TENM2: variants seen among roughly 807,000 people sequenced by gnomAD.
The protein encoded by TENM2 is teneurin transmembrane protein 2, also known as teneurin-2.
TENM2 carries 52 observed loss-of-function variants against 245.2 expected under a neutral mutation model. The observed-to-expected ratio is 0.21, with a 90% CI of 0.17 to 0.27. The LOEUF is 0.27. TENM2 is among the 10% of genes least tolerant of loss of function. The pLI is 1.00. For synonymous variants in TENM2, 1,363 were observed against 1,438.9 expected, an observed-to-expected ratio of 0.95 and a Z score of 1.19; for missense variants, 3,046 against 3,666.8, an observed-to-expected ratio of 0.83 and a Z score of 4.37.
chr5:167,160,072 A>G, the TENM2 span, among the ~76,000 whole-genome samples: 1 of 152,236 alleles, frequency 6.6e-6, no homozygotes, highest in Admixed American at 6.5e-5. Flanking sequence ...CTATTTTGGC[A>G]TCTTTTCTGT....
At chr5:167,784,804 A>G (rs1289538121) in intron 2 of TENM2, among the ~76,000 whole-genome samples, 1 of 152,258 alleles carries the variant, frequency 6.6e-6, no homozygotes, top group Non-Finnish European at 1.5e-5. Context: ...GTGTACCCGT[A>G]TCTCATCAGA....
chr5:168,163,309 G>A (rs1757917204), intron 13 of TENM2, among the ~76,000 whole-genome samples: 1 of 152,192 alleles, frequency 6.6e-6, no homozygotes, highest in Admixed American at 6.5e-5. Context: ...GCAAACTATG[G>A]TCCATGGACC....
chr5:167,634,582 AT>A (rs969664737), intron 2 of TENM2, among the ~76,000 whole-genome samples: 18 of 151,774 alleles, frequency 1.2e-4, no homozygotes, highest in Non-Finnish European at 2.1e-4. Flanking sequence ...TAGGACTCAC[AT>A]TTTTGATTCA....
Position 168,015,061 on chromosome 5 carries a change from C to A in TENM2, c.1186+21879C>A, listed in dbSNP as rs1272689348. Among the ~76,000 whole-genome samples, 4 of 152,310 alleles carry A rather than the reference C, an allele frequency of 2.6e-5. No individual in the cohort carries two copies. In the East Asian group the frequency reaches 5.8e-4, roughly 22 times the overall value. ...TCTTGCTATAAACCAGCCTAAGTAG[C>A]CTCTTACCATCAGCCAGTACTCTGC... On this transcript the variant is annotated intron_variant, in intron 5 of 28. Transcript: ENST00000518659.
intron 12 of TENM2, among the ~76,000 whole-genome samples, chr5:168,147,063 C>T (rs2152416184): frequency 6.6e-6 from 1 of 152,362 alleles, no homozygotes; most frequent in Admixed American, 6.5e-5. Flanking sequence ...CCAAAAATGA[C>T]TCACTGCTAC....
chr5:167,769,820 A>G lies in TENM2; in HGVS notation c.503-106166A>G, dbSNP rs573081133. ...ATGAATACAAGGATTGTGTCCATTG[A>G]GGGATGGCTTTCAAGACAATGGCCA... On this transcript the variant is annotated intron_variant, in intron 2 of 28. Transcript: ENST00000518659. 3.6e-4 allele frequency among the ~76,000 whole-genome samples: 55 copies of G among 152,150 alleles called. 1 individual carries two copies. Among genetic ancestry groups the G allele is most frequent in the Non-Finnish European group, 6.0e-4 (41 of 68,032 alleles).
intron 5 of TENM2, among the ~76,000 whole-genome samples, chr5:168,039,814 C>A (rs905443967): frequency 1.3e-5 from 2 of 151,918 alleles, no homozygotes; most frequent in Non-Finnish European, 2.9e-5. Context: ...TTAGAGGTCA[C>A]CTCGGCACAC....
At chr5:167,470,638 T>A (rs1313920140) in intron 2 of TENM2, among the ~76,000 whole-genome samples, 3 of 151,904 alleles carry the variant, frequency 2.0e-5, no homozygotes, top group Admixed American at 6.6e-5. Context: ...AATGGTCTGT[T>A]CCATGGAGGT....
intron 3 of TENM2, chr5:167,948,761 A>G (rs1250194042): frequency 6.6e-6 from 1 of 152,216 alleles, no homozygotes; most frequent in African/African-American, 2.4e-5. Context: ...TATGTAATAG[A>G]AGAGCTCTTA....
chr5:168,056,921 C>T (rs528287557), intron 6 of TENM2, among the ~76,000 whole-genome samples: 3 of 152,118 alleles, frequency 2.0e-5, no homozygotes, highest in Admixed American at 6.6e-5. Flanking sequence ...TACCATATAG[C>T]CTAGGTATGT....
intron 7 of TENM2, among the ~76,000 whole-genome samples, chr5:168,079,772 G>A (rs1791812892): frequency 6.6e-6 from 1 of 152,202 alleles, no homozygotes; most frequent in Admixed American, 6.5e-5. Flanking sequence ...GCATCCCAGG[G>A]ATGAAGCCCA....
chr5:167,893,856 G>A (rs765778349), intron 3 of TENM2, among the ~76,000 whole-genome samples: 19 of 152,112 alleles, frequency 1.2e-4, no homozygotes, highest in Admixed American at 9.8e-4. Context: ...TAGTTCCTGC[G>A]CTTCATACAA....
chr5:167,326,803 A>G (rs1344078432), intron 1 of TENM2, among the ~76,000 whole-genome samples: 1 of 150,936 alleles, frequency 6.6e-6, no homozygotes, highest in East Asian at 1.9e-4. Context: ...CATCACTTCA[A>G]TGCAAGAAGC....
chr5:168,052,473 C>CAT (rs1562099639), intron 6 of TENM2, among the ~76,000 whole-genome samples: 2 of 152,044 alleles, frequency 1.3e-5, no homozygotes, highest in African/African-American at 4.8e-5. Flanking sequence ...CATATACACA[C>CAT]ATATATATGT....
At chr5:167,716,798 T>A (rs559181064) in intron 2 of TENM2, among the ~76,000 whole-genome samples, 3 of 152,034 alleles carry the variant, frequency 2.0e-5, no homozygotes, top group South Asian at 4.1e-4. Flanking sequence ...GGAAAAAAAA[T>A]CAGTTTCAAG....
At chr5:168,092,786 G>A (rs533553308) in intron 8 of TENM2, among the ~76,000 whole-genome samples, 6 of 152,332 alleles carry the variant, frequency 3.9e-5, no homozygotes, top group Admixed American at 2.0e-4. Context: ...GGCTTGACAC[G>A]TACGTGACAG....
At position 168,029,260 on chromosome 5, in the gene TENM2, C is replaced by G. The variant is rs1039211760; in HGVS notation, c.1187-18167C>G. Among the ~76,000 whole-genome samples, 3 of 152,140 alleles carry G rather than the reference C, an allele frequency of 2.0e-5. No individual in the cohort carries two copies. The South Asian group carries it at 6.2e-4, about 32-fold the overall frequency. Reference sequence around the variant, plus strand: ...TCACCTTGGTTAGGATCTCAACATACGAATTCTGGGGAGGGATAGACATTC... The same window carrying G: ...TCACCTTGGTTAGGATCTCAACATAGGAATTCTGGGGAGGGATAGACATTC... On this transcript the variant is annotated intron_variant, in intron 5 of 28. Coordinates refer to ENST00000518659, the Ensembl canonical transcript of TENM2.
rs184819587 is a variant in TENM2 at position 168,258,455 on chromosome 5, C to T, written c.7433-1828C>T. On this transcript the variant is annotated intron_variant, in intron 27 of 28. Coordinates refer to ENST00000518659, the Ensembl canonical transcript of TENM2. ...GGCGGAGGTTGCAGTGAGCCGAAAT[C>T]GCGCCACTGCACTCCAGCCTGGGTG... Among the ~76,000 whole-genome samples, 7 of 152,146 alleles carry T rather than the reference C, an allele frequency of 4.6e-5. No individual in the cohort carries two copies. The South Asian group carries it at 1.0e-3, about 23-fold the overall frequency.
At chr5:167,890,946 T>C (rs541644428) in intron 3 of TENM2, among the ~76,000 whole-genome samples, 89 of 152,308 alleles carry the variant, frequency 5.8e-4, no homozygotes, top group African/African-American at 2.1e-3. Context: ...GTAGAAGGTA[T>C]TATTATCTCT....
Sources: allele counts gnomAD v4.1 joint callset (sites outside exome capture counted in the v4.1 genomes callset), GRCh38; gene constraint gnomAD v4.1.1; transcripts MANE v1.5; gene names NCBI Gene and HGNC (gene_info 2026-07-23, HGNC 2026-07-21).